The following PCNP variants were observed in gnomAD, a reference collection of about 807,000 sequenced individuals.
PCNP encodes PEST proteolytic signal containing nuclear protein, also known as PEST proteolytic signal-containing nuclear protein.
In PCNP, 6 loss-of-function variants were observed where a neutral mutation model predicts 21.8. That is an observed-to-expected ratio of 0.28 (90% CI 0.15 to 0.54). The LOEUF (loss-of-function observed/expected upper bound fraction) is 0.54. Among genes scored for constraint, PCNP ranks in the 20% least tolerant of loss-of-function variants. PCNP has a pLI of 0.95. For synonymous variants in PCNP, 67 were observed against 73.2 expected (o/e 0.92, Z 0.43); for missense variants, 161 against 215.5 (o/e 0.75, Z 1.58).
chr3:101,586,569 T>A (rs887102696), intron 3 of PCNP, among the ~76,000 whole-genome samples: 10 of 136,736 alleles, frequency 7.3e-5, no homozygotes, highest in Admixed American at 2.2e-4. Context: ...TGTGTGTGTG[T>A]GTGAGAGAGA....
chr3:101,582,004 T>C (rs973836114), intron 2 of PCNP, among the ~76,000 whole-genome samples: 21 of 151,938 alleles, frequency 1.4e-4, no homozygotes, highest in African/African-American at 4.8e-4. Context: ...CCTGCCAAAG[T>C]GCTGGGATTA....
chr3:101,586,286 G>A (rs1166127639), intron 3 of PCNP, among the ~76,000 whole-genome samples: 2 of 151,400 alleles, frequency 1.3e-5, no homozygotes, highest in African/African-American at 2.4e-5. Flanking sequence ...TACTCAAAAA[G>A]CATGTGGTCC....
At chr3:101,574,803 C>G (rs949903015) in intron 1 of PCNP, 1 of 153,028 alleles carries the variant, frequency 6.5e-6, no homozygotes, top group Non-Finnish European at 1.5e-5. Context: ...AGGTGGACAA[C>G]TCCGGCCTGC....
intron 1 of PCNP, among the ~76,000 whole-genome samples, chr3:101,578,025 T>C (rs771040761): frequency 8.5e-5 from 13 of 152,232 alleles, no homozygotes; most frequent in Non-Finnish European, 1.9e-4. Flanking sequence ...AGTAATTTGC[T>C]ATTTTATCCA....
At chr3:101,588,132 G>A (rs560634520) in intron 3 of PCNP, among the ~76,000 whole-genome samples, 5 of 152,118 alleles carry the variant, frequency 3.3e-5, no homozygotes, top group Admixed American at 1.3e-4. Context: ...TTAGCTGGGC[G>A]TGGTGGCATA....
In PCNP at chr3:101,593,329, T is replaced by TAA. The variant is rs1476146491; in HGVS notation, c.*579_*580dup. 6.6e-6 allele frequency: 1 copy of TAA among 152,616 alleles called. No homozygotes were observed. The highest frequency in any genetic ancestry group is 1.5e-5 in the Non-Finnish European group (1 of 68,006). The allele number at this position is 152,616 out of a possible 1,614,324, so 9.5% of individuals were successfully genotyped here. On this transcript the variant is annotated 3_prime_UTR_variant, in exon 5 of 5. Coordinates refer to ENST00000265260, the MANE Select transcript of PCNP (RefSeq NM_020357.3). The stretch of plus-strand genomic sequence containing the variant: ...TCCGTGGATACAGACGCTTAGCTCT[T>TAA]AAAAGATTTTTTTTTTATGTAAACT...
At chr3:101,584,189 A>G (rs1443863502) in intron 2 of PCNP, among the ~76,000 whole-genome samples, 1 of 152,242 alleles carries the variant, frequency 6.6e-6, no homozygotes, top group East Asian at 1.9e-4. Context: ...CCCAGTAGGC[A>G]GATGATAGCC....
intron 2 of PCNP, among the ~76,000 whole-genome samples, chr3:101,583,393 G>A (rs920805150): frequency 6.6e-6 from 1 of 152,150 alleles, no homozygotes; most frequent in Non-Finnish European, 1.5e-5. Flanking sequence ...GGTGGAGGTT[G>A]TAGTGAGCTG....
At chr3:101,582,587 A>G (rs1935283478) in intron 2 of PCNP, among the ~76,000 whole-genome samples, 1 of 152,280 alleles carries the variant, frequency 6.6e-6, no homozygotes, top group Non-Finnish European at 1.5e-5. Context: ...TGTCCACAAC[A>G]TTAAATACAT....
At chr3:101,577,276 G>C (rs1164819595) in intron 1 of PCNP, among the ~76,000 whole-genome samples, 3 of 152,116 alleles carry the variant, frequency 2.0e-5, no homozygotes, top group African/African-American at 7.2e-5. Flanking sequence ...TAAGAAAAAT[G>C]TTAAAGAAGA....
chr3:101,576,958 C>T (rs569559379), intron 1 of PCNP: 71 of 1,315,702 alleles, frequency 5.4e-5, no homozygotes, highest in Non-Finnish European at 7.7e-5. Flanking sequence ...GGCGGCAGCA[C>T]AAGCGGCGGC....
intron 2 of PCNP, among the ~76,000 whole-genome samples, chr3:101,583,329 C>G (rs915197620): frequency 6.6e-6 from 1 of 152,166 alleles, no homozygotes; most frequent in Non-Finnish European, 1.5e-5. Flanking sequence ...TGGCACACAC[C>G]TGCAATCCCA....
Position 101,579,802 on chromosome 3 carries a change from A to C in PCNP, c.77A>C (p.Glu26Ala), listed in dbSNP as rs766912513. ...RAGAAGGPEE[E>A]AEKPVKTKTV... ...TCGACTTCACCAGGACCTGAAGAAG[A>C]AGCAGAAAAACCTGTGAAAACTAAG... The change falls in exon 2 of 5, where the codon GAA (glutamate) becomes GCA (alanine). Residue 26 changes from glutamate to alanine, a missense_variant. Physicochemically the swap from Glu to Ala is moderately radical, Grantham distance 107. Transcript: ENST00000265260. 4.1e-5 allele frequency: 66 copies of C among 1,613,482 alleles called. 2 individuals carry two copies. The South Asian group carries it at 5.6e-4, about 14-fold the overall frequency.
At chr3:101,580,691 A>G (rs1395747799) in intron 2 of PCNP, among the ~76,000 whole-genome samples, 1 of 152,168 alleles carries the variant, frequency 6.6e-6, no homozygotes, top group African/African-American at 2.4e-5. Context: ...CCTTTGTTTT[A>G]AGATGTCAGC....
intron 3 of PCNP, among the ~76,000 whole-genome samples, chr3:101,586,314 C>T (rs1420035113): frequency 6.6e-6 from 1 of 151,982 alleles, no homozygotes; most frequent in Non-Finnish European, 1.5e-5. Flanking sequence ...GCATGAGATG[C>T]TTATCTGATA....
intron 1 of PCNP, among the ~76,000 whole-genome samples, chr3:101,577,882 A>G (rs980028421): frequency 6.6e-6 from 1 of 152,182 alleles, no homozygotes; most frequent in Non-Finnish European, 1.5e-5. Context: ...CCCCTCTCCA[A>G]CTACTCAATG....
At chr3:101,575,100 G>C (rs929807679) in intron 1 of PCNP, among the ~76,000 whole-genome samples, 1 of 151,996 alleles carries the variant, frequency 6.6e-6, no homozygotes, top group African/African-American at 2.4e-5. Context: ...CCCTAAATTC[G>C]GGTCTTGTGC....
chr3:101,579,557 A>G (rs1412813583), intron 1 of PCNP: 2 of 662,132 alleles, frequency 3.0e-6, no homozygotes, highest in South Asian at 3.0e-5. Context: ...CTCTGTGTTT[A>G]TAATTTTAAA....
intron 4 of PCNP, 56 bp from the exon 5 acceptor site, chr3:101,592,571 A>G: frequency 2.1e-6 from 3 of 1,415,278 alleles, no homozygotes; most frequent in South Asian, 1.3e-5. Context: ...AATCAAAATC[A>G]TAACCTGAAA....
Sources: allele counts gnomAD v4.1 joint callset (sites outside exome capture counted in the v4.1 genomes callset), GRCh38; gene constraint gnomAD v4.1.1; transcripts MANE v1.5; gene names NCBI Gene and HGNC (gene_info 2026-07-23, HGNC 2026-07-21).